Variants in FRMD6 observed in about 807,000 individuals in gnomAD.
FRMD6 encodes the protein FERM domain-containing protein 6.
In FRMD6, 37 loss-of-function variants were observed where a neutral mutation model predicts 73.2. That is an observed-to-expected ratio of 0.51 (90% confidence interval 0.39 to 0.66). The LOEUF is 0.66. FRMD6 is among the 30% of genes least tolerant of loss of function. The pLI is 0.00. For missense variants in FRMD6, 714 were observed against 780.5 expected, an observed-to-expected ratio of 0.91 and a Z score of 1.02; for synonymous variants, 273 against 282.2, an observed-to-expected ratio of 0.97 and a Z score of 0.33.
chr14:51,555,427 T>C (rs1887073133), intron 1 of FRMD6, among the ~76,000 whole-genome samples: 1 of 152,212 alleles, frequency 6.6e-6, no homozygotes, highest in Non-Finnish European at 1.5e-5. Flanking sequence ...ATGTAGAAAT[T>C]GCTTTTGGAG....
intron 1 of FRMD6, among the ~76,000 whole-genome samples, chr14:51,664,844 A>C (rs1893461309): frequency 6.6e-6 from 1 of 152,224 alleles, no homozygotes; most frequent in South Asian, 2.1e-4. Flanking sequence ...CAGTTAGTTA[A>C]GTTACAGTAC....
At chr14:51,560,288 T>G (rs2139502711) in intron 1 of FRMD6, among the ~76,000 whole-genome samples, 1 of 152,148 alleles carries the variant, frequency 6.6e-6, no homozygotes, top group Non-Finnish European at 1.5e-5. Context: ...GATGAAAAAT[T>G]CGTAAAATAA....
At chr14:51,673,881 A>G (rs1036222705) in intron 1 of FRMD6, among the ~76,000 whole-genome samples, 1 of 152,172 alleles carries the variant, frequency 6.6e-6, no homozygotes. Context: ...GTCTGAAAGG[A>G]AGTATTTCTT....
chr14:51,504,588 C>T (rs1412044960), intron 1 of FRMD6, among the ~76,000 whole-genome samples: 1 of 152,236 alleles, frequency 6.6e-6, no homozygotes, highest in Non-Finnish European at 1.5e-5. Flanking sequence ...AGAAATTGCT[C>T]CTTTTCTTTT....
intron 2 of FRMD6, among the ~76,000 whole-genome samples, chr14:51,599,058 C>CTTTTCTTTTTTTTTTTTTT (rs1158794443): frequency 5.5e-5 from 4 of 72,824 alleles, no homozygotes; most frequent in Admixed American, 3.5e-4. Flanking sequence ...CAGTATCTGT[C>CTTTTCTTTTTTTTTTTTTT]TTTTTTTTTT....
At chr14:51,567,181 T>C (rs1475820289) in intron 1 of FRMD6, among the ~76,000 whole-genome samples, 1 of 152,200 alleles carries the variant, frequency 6.6e-6, no homozygotes, top group Non-Finnish European at 1.5e-5. Context: ...ACTCGTCATT[T>C]TTTAAAAGAA....
chr14:51,445,671 A>AAAGTGAGAAAAGAATACCTTCCT, the FRMD6 span, among the ~76,000 whole-genome samples: 3 of 152,286 alleles, frequency 2.0e-5, no homozygotes, highest in Admixed American at 6.5e-5. Context: ...TAATAGGGAA[A>AAAGTGAGAAAAGAATACCTTCCT]AAGTGAGAAA....
chr14:51,640,819 C>T (rs1295027301), intron 2 of FRMD6, among the ~76,000 whole-genome samples: 2 of 152,118 alleles, frequency 1.3e-5, no homozygotes, highest in Non-Finnish European at 2.9e-5. Flanking sequence ...GTTTAAAACA[C>T]ACATAGTTTC....
chr14:51,477,327 C>G, the FRMD6 span, among the ~76,000 whole-genome samples: 1 of 152,266 alleles, frequency 6.6e-6, no homozygotes, highest in Non-Finnish European at 1.5e-5. Flanking sequence ...ATTCCATGTT[C>G]ACCCAACGTG....
chr14:51,597,405 A>G (rs1416127674), intron 2 of FRMD6, among the ~76,000 whole-genome samples: 4 of 152,210 alleles, frequency 2.6e-5, no homozygotes, highest in African/African-American at 4.8e-5. Context: ...AAGGCTATAT[A>G]GGATTTGGAC....
chr14:51,518,457 T>A (rs948775026), intron 1 of FRMD6, among the ~76,000 whole-genome samples: 2 of 152,210 alleles, frequency 1.3e-5, no homozygotes, highest in South Asian at 2.1e-4. Context: ...CAGAAGCGCA[T>A]TTCCAGCTCT....
At chr14:51,436,396 C>A in the FRMD6 span, 2 of 455,012 alleles carry the variant, frequency 4.4e-6, no homozygotes, top group Non-Finnish European at 8.4e-6. Context: ...CATTACTTGA[C>A]CAGAGTCGAA....
the FRMD6 span, among the ~76,000 whole-genome samples, chr14:51,483,595 T>C: frequency 2.0e-5 from 3 of 152,164 alleles, no homozygotes; most frequent in African/African-American, 7.2e-5. Context: ...CAGGAGAATT[T>C]GGAGAGTATG....
intron 1 of FRMD6, among the ~76,000 whole-genome samples, chr14:51,685,078 G>C (rs1186219318): frequency 1.3e-5 from 2 of 152,146 alleles, no homozygotes; most frequent in African/African-American, 2.4e-5. Context: ...TGAGTTTGCA[G>C]GTTTCCTTAA....
At chr14:51,675,260 A>C (rs1376878159) in intron 1 of FRMD6, among the ~76,000 whole-genome samples, 1 of 152,084 alleles carries the variant, frequency 6.6e-6, no homozygotes, top group Admixed American at 6.6e-5. Context: ...CCTAGCTCCC[A>C]GTTATGTTCC....
chr14:51,646,232 C>T (rs765738735), intron 2 of FRMD6, among the ~76,000 whole-genome samples: 5 of 147,050 alleles, frequency 3.4e-5, no homozygotes, highest in African/African-American at 5.0e-5. Context: ...GCAGGAGAAA[C>T]GCTTGAACCC....
the FRMD6 span, among the ~76,000 whole-genome samples, chr14:51,478,456 G>A: frequency 3.9e-5 from 6 of 152,196 alleles, no homozygotes; most frequent in African/African-American, 1.4e-4. Context: ...ATCTATTTTA[G>A]TGCTTATGAG....
chr14:51,475,252 T>A, the FRMD6 span, among the ~76,000 whole-genome samples: 1 of 152,236 alleles, frequency 6.6e-6, no homozygotes, highest in Non-Finnish European at 1.5e-5. Context: ...TTGATTTACA[T>A]TAACAGCATT....
chr14:51,656,885 C>G (rs1411605009), intron 1 of FRMD6, among the ~76,000 whole-genome samples: 3 of 152,064 alleles, frequency 2.0e-5, no homozygotes. Flanking sequence ...TCTCAGTATT[C>G]CAAATGGATC....
Sources: gnomAD v4.1 joint callset for allele counts (sites outside exome capture counted in the v4.1 genomes callset) on GRCh38, gnomAD v4.1.1 for gene constraint, MANE v1.5 for transcripts, NCBI Gene and HGNC (gene_info 2026-07-23, HGNC 2026-07-21) for gene names.